The following KLHDC4 variants were observed in gnomAD, a reference collection of about 807,000 sequenced individuals.
KLHDC4 encodes the protein kelch domain-containing protein 4.
A neutral mutation model predicts 62.4 loss-of-function variants in KLHDC4; 90 were observed. The ratio of observed to expected loss-of-function variants is 1.44; its 90% confidence interval spans 1.22 to 1.72. KLHDC4 has a LOEUF of 1.72. KLHDC4 is among the 40% of genes most tolerant of loss of function. The probability of loss-of-function intolerance (pLI) is 0.00; values close to 1 mark genes in which losing one functional copy is unlikely to be tolerated. For missense variants in KLHDC4, 1,025 were observed against 699.7 expected (o/e 1.47, Z -5.25); for synonymous variants, 386 against 284.4 (o/e 1.36, Z -3.59).
rs748994325 is a variant in KLHDC4 at position 87,762,014 on chromosome 16, A to G, written c.126T>C (p.His42=). 6.2e-7 allele frequency: 1 copy of G among 1,613,950 alleles called. No homozygotes were observed. The highest frequency in any genetic ancestry group is 1.1e-5 in the South Asian group (1 of 91,052). ...TCCTCTTGGCATCGAGTGTCTGGAA[A>G]TGGGCTATGAGCGCTTCCAGGTCTT... is the stretch of plus-strand genomic sequence containing the variant. ...EEEDLEALIA[H]FQTLDAKRTQ... The change falls in exon 2 of 12, where the codon CAT becomes CAC. Residue 42 remains histidine (H), a synonymous_variant. Coordinates refer to ENST00000270583, the MANE Select transcript of KLHDC4 (RefSeq NM_017566.4).
At chr16:87,705,985 C>T (rs1424419261), downstream of KLHDC4, among the ~76,000 whole-genome samples, 1 of 151,298 alleles carries the variant, frequency 6.6e-6, no homozygotes, top group Non-Finnish European at 1.5e-5. Context: ...GTCGGTGCAA[C>T]ACAAACACAA....
intron 5 of KLHDC4, among the ~76,000 whole-genome samples, chr16:87,744,482 C>T (rs931064918): frequency 4.6e-5 from 7 of 150,784 alleles, no homozygotes; most frequent in Non-Finnish European, 8.8e-5. Flanking sequence ...ACTCGGGACA[C>T]TGAGGCACAA....
chr16:87,722,885 G>A (rs1186817984), intron 7 of KLHDC4, among the ~76,000 whole-genome samples: 1 of 152,248 alleles, frequency 6.6e-6, no homozygotes. Flanking sequence ...ACCTCTACTT[G>A]CTCAGTGAAA....
chr16:87,729,271 G>A (rs567624359), intron 6 of KLHDC4: 74 of 152,308 alleles, frequency 4.9e-4, no homozygotes, highest in African/African-American at 1.5e-3. Flanking sequence ...GACTTATCAC[G>A]ATGGATCAAG....
In KLHDC4 at chr16:87,708,450, CAGCCACTCCTGAGTTTCTTCAAAA is replaced by C; in HGVS notation, c.1448-8_1463del. 1 of 1,607,060 alleles carries C rather than the reference CAGCCACTCCTGAGTTTCTTCAAAA, an allele frequency of 6.2e-7. No homozygotes were observed. The highest frequency in any genetic ancestry group is 8.5e-7 in the Non-Finnish European group (1 of 1,176,724). The stretch of plus-strand genomic sequence containing the variant: ...TGTCCTCTTCCGAGTCCGTCTCCTC[CAGCCACTCCTGAGTTTCTTCAAAA>C]GCAGAATGAACGCACATACACGTCA... On this transcript the variant is annotated splice_acceptor_variant and splice_polypyrimidine_tract_variant and coding_sequence_variant and intron_variant, in exon 11 of 12. Transcript: ENST00000270583. LOFTEE classifies it high-confidence loss of function.
At position 87,730,656 on chromosome 16, in the gene KLHDC4, TAAAC is replaced by T; in HGVS notation, c.507-16_507-13del. On this transcript the variant is annotated splice_polypyrimidine_tract_variant and intron_variant, in intron 5 of 11. Coordinates refer to ENST00000270583, the MANE Select transcript of KLHDC4 (RefSeq NM_017566.4). ...GACCGCCTGTTGATCTAAAATGAAA[TAAAC>T]AAAAAGACACTATCAACCTGCTTAA... 1 of 1,608,492 alleles carries T rather than the reference TAAAC, an allele frequency of 6.2e-7. No homozygotes were observed. The highest frequency in any genetic ancestry group is 8.5e-7 in the Non-Finnish European group (1 of 1,177,426).
intron 2 of KLHDC4, among the ~76,000 whole-genome samples, chr16:87,758,825 A>G (rs111421971): frequency 5.3e-5 from 8 of 152,332 alleles, no homozygotes; most frequent in South Asian, 2.1e-4. Flanking sequence ...GTTAGTGCTA[A>G]TGGTTGCACA....
At chr16:87,743,221 C>A (rs1007745331) in intron 5 of KLHDC4, among the ~76,000 whole-genome samples, 5 of 152,154 alleles carry the variant, frequency 3.3e-5, no homozygotes, top group African/African-American at 1.2e-4. Flanking sequence ...TCCTCCCACC[C>A]CAGCCTCCCA....
intron 7 of KLHDC4, among the ~76,000 whole-genome samples, chr16:87,725,674 T>G (rs1366653715): frequency 6.6e-6 from 1 of 152,110 alleles, no homozygotes; most frequent in Admixed American, 6.5e-5. Context: ...ACAGGAACAC[T>G]TGAGTTCCGA....
chr16:87,757,998 T>A (rs1220144583), intron 2 of KLHDC4, among the ~76,000 whole-genome samples: 3 of 152,008 alleles, frequency 2.0e-5, no homozygotes, highest in Admixed American at 1.3e-4. Context: ...CCCTTCAGAG[T>A]CCTCTAAGAC....
intron 1 of KLHDC4, among the ~76,000 whole-genome samples, chr16:87,764,065 G>C (rs8060633): frequency 7.2e-5 from 11 of 152,162 alleles, no homozygotes; most frequent in African/African-American, 2.7e-4. Context: ...TGTGGGAGCA[G>C]AATTCCAAAC....
intron 5 of KLHDC4, among the ~76,000 whole-genome samples, chr16:87,738,532 G>GTCCATCCACACACCAGCACCTCA (rs2143011381): frequency 1.3e-5 from 2 of 151,908 alleles, no homozygotes; most frequent in East Asian, 1.9e-4. Flanking sequence ...CCAAAACGTG[G>GTCCATCCACACACCAGCACCTCA]TCCATCCACA....
At chr16:87,743,332 T>G (rs2042526099) in intron 5 of KLHDC4, among the ~76,000 whole-genome samples, 1 of 152,180 alleles carries the variant, frequency 6.6e-6, no homozygotes, top group South Asian at 2.1e-4. Flanking sequence ...TGGGCTCAAG[T>G]GATGCTCCCA....
intron 7 of KLHDC4, among the ~76,000 whole-genome samples, chr16:87,723,632 G>A (rs950954733): frequency 1.3e-5 from 2 of 152,244 alleles, no homozygotes; most frequent in Non-Finnish European, 1.5e-5. Context: ...TCTCTGTGCA[G>A]AACAAAAGAT....
chr16:87,718,429 G>A (rs934079228), intron 7 of KLHDC4, among the ~76,000 whole-genome samples: 8 of 149,586 alleles, frequency 5.3e-5, no homozygotes, highest in Non-Finnish European at 1.0e-4. Flanking sequence ...AGCGGAGGCT[G>A]GACTGTACTG....
chr16:87,726,734 G>A (rs758044890), intron 7 of KLHDC4, 31 bp downstream of exon 7: 3 of 1,307,438 alleles, frequency 2.3e-6, no homozygotes, highest in Non-Finnish European at 3.0e-6. Context: ...CCGGTCCCAC[G>A]CCTTGCCTGT....
chr16:87,722,674 A>T (rs1167643283), intron 7 of KLHDC4, among the ~76,000 whole-genome samples: 4 of 152,224 alleles, frequency 2.6e-5, no homozygotes, highest in Non-Finnish European at 2.9e-5. Flanking sequence ...AAGGACACGC[A>T]GGGGGATGGA....
intron 7 of KLHDC4, among the ~76,000 whole-genome samples, chr16:87,714,932 C>T (rs752503022): frequency 5.9e-5 from 9 of 152,228 alleles, no homozygotes; most frequent in Non-Finnish European, 1.0e-4. Flanking sequence ...CGGTGGATCC[C>T]CACCGCCTTC....
exon 1 of KLHDC4, chr16:87,699,316 C>A (rs957811327): frequency 6.6e-6 from 1 of 152,236 alleles, no homozygotes; most frequent in Non-Finnish European, 1.5e-5. Context: ...GATCTAGAAC[C>A]ATTACCTCAC....
Sources: allele counts gnomAD v4.1 joint callset (sites outside exome capture counted in the v4.1 genomes callset), GRCh38; gene constraint gnomAD v4.1.1; transcripts MANE v1.5; gene names NCBI Gene and HGNC (gene_info 2026-07-23, HGNC 2026-07-21).